The following SGF29 variants were observed in gnomAD, a reference collection of about 807,000 sequenced individuals.
SGF29 encodes the protein SAGA-associated factor 29.
SGF29 carries 15 observed loss-of-function variants against 38.1 expected under a neutral mutation model. That is an observed-to-expected ratio of 0.39 (90% CI 0.26 to 0.61). The LOEUF (loss-of-function observed/expected upper bound fraction) is 0.61. Among genes scored for constraint, SGF29 ranks in the 20% least tolerant of loss-of-function variants. The pLI is 0.49. For synonymous variants in SGF29, 151 were observed against 160.8 expected, an observed-to-expected ratio of 0.94 and a Z score of 0.46; for missense variants, 184 against 394.6, an observed-to-expected ratio of 0.47 and a Z score of 4.52.
At chr16:28,580,732 G>T (rs2046920167) in intron 1 of SGF29, among the ~76,000 whole-genome samples, 1 of 152,098 alleles carries the variant, frequency 6.6e-6, no homozygotes, top group African/African-American at 2.4e-5. Context: ...ATGTAGGCTG[G>T]AGTGCAATGG....
chr16:28,585,020 T>C (rs373672941), intron 3 of SGF29, 32 bp downstream of exon 3: 17 of 1,559,628 alleles, frequency 1.1e-5, no homozygotes, highest in Non-Finnish European at 1.5e-5. Context: ...AGAAAGGGGA[T>C]GAGATGGGGC....
intron 1 of SGF29, among the ~76,000 whole-genome samples, chr16:28,576,167 A>C (rs2046891999): frequency 6.6e-6 from 1 of 152,192 alleles, no homozygotes; most frequent in Admixed American, 6.6e-5. Context: ...ATACGTTAAA[A>C]AAAACACATT....
chr16:28,576,162 T>C (rs1454555145), intron 1 of SGF29, among the ~76,000 whole-genome samples: 4 of 150,818 alleles, frequency 2.7e-5, no homozygotes, highest in African/African-American at 9.9e-5. Flanking sequence ...TGTAAATACG[T>C]TAAAAAAAAC....
intron 1 of SGF29, among the ~76,000 whole-genome samples, chr16:28,564,994 C>T (rs1215268108): frequency 6.6e-6 from 1 of 151,604 alleles, no homozygotes; most frequent in African/African-American, 2.4e-5. Flanking sequence ...GGCCTAAGGC[C>T]TGAGAGCCCC....
chr16:28,564,763 GTATATATATGTATA>G (rs2046825059), intron 1 of SGF29, among the ~76,000 whole-genome samples: 1 of 35,660 alleles, frequency 2.8e-5, no homozygotes, highest in African/African-American at 1.3e-4. Flanking sequence ...ATGTATATAT[GTATATATATGTATA>G]TATATATATA....
At chr16:28,564,553 A>ATATATATACACG (rs1555474743) in intron 1 of SGF29, among the ~76,000 whole-genome samples, 1 of 108,732 alleles carries the variant, frequency 9.2e-6, no homozygotes. Context: ...ATATATACGT[A>ATATATATACACG]TATATATATA....
intron 1 of SGF29, among the ~76,000 whole-genome samples, chr16:28,574,903 A>G (rs2046884480): frequency 6.6e-6 from 1 of 152,230 alleles, no homozygotes; most frequent in African/African-American, 2.4e-5. Context: ...TAACTAATGC[A>G]ACTAGGGAGA....
chr16:28,577,615 C>T (rs1229991836), intron 1 of SGF29, among the ~76,000 whole-genome samples: 1 of 152,178 alleles, frequency 6.6e-6, no homozygotes, highest in African/African-American at 2.4e-5. Flanking sequence ...ACACTTTATG[C>T]ATTCGTGTAG....
rs370319729 is a variant in SGF29 at position 28,560,565 on chromosome 16, G to T, written c.-16+6468G>T. Among the ~76,000 whole-genome samples the T allele has an allele frequency of 8.4e-3, 1,253 of 148,500 alleles. 6 individuals are homozygous for T. Among genetic ancestry groups the T allele is most frequent in the Non-Finnish European group, 0.011 (775 of 67,396 alleles). ...GGTTACACCATTGCACTCCAGCCTG[G>T]GCAACAGAGCGAGACTCTGTCTCAA... On this transcript the variant is annotated intron_variant, in intron 1 of 9. Transcript: ENST00000317058.
At chr16:28,580,987 T>A (rs1418308810) in intron 1 of SGF29, 68 bp from the exon 2 acceptor site, 2 of 1,187,832 alleles carry the variant, frequency 1.7e-6, no homozygotes, top group Non-Finnish European at 2.5e-6. Context: ...ATGTATCTTT[T>A]GAGGGGGCAC....
Position 28,590,003 on chromosome 16 carries a change from C to T in SGF29, c.290-93C>T. ...CGGGCTCACTCGGGAACTGGGGGCT[C>T]CCAGGTGCTCCTTCAACAGCTCAGT... On this transcript the variant is annotated intron_variant, in intron 5 of 9. Coordinates refer to ENST00000317058, the MANE Select transcript of SGF29 (RefSeq NM_138414.3). This position sits in a 1 kb window ranked among gnomAD's most constrained non-coding sequence, Gnocchi z 8.2. 2.0e-6 allele frequency: 3 copies of T among 1,482,844 alleles called. No individual in the cohort carries two copies. The highest frequency in any genetic ancestry group is 2.2e-4 in the Middle Eastern group (1 of 4,476). The allele number at this position is 1,482,844 out of a possible 1,614,324, so 91.9% of individuals were successfully genotyped here.
rs533948701 is a variant in SGF29 at position 28,585,692 on chromosome 16, G to T, written c.196G>T (p.Ala66Ser). The change falls in exon 4 of 10, where the codon GCC becomes TCC. Residue 66 changes from alanine to serine, a missense_variant. Transcript: ENST00000317058. ...AAAGCTGCGTGGCCTCTACACAACC[G>T]CCAAGGCCGATGCAGAGGCTGAGTG... Reference protein sequence around the residue: ...RTKLRGLYTTAKADAEAECNI... With the variant: ...RTKLRGLYTTSKADAEAECNI... 6.2e-7 allele frequency: 1 copy of T among 1,614,126 alleles called. No homozygotes were observed. The highest frequency in any genetic ancestry group is 8.5e-7 in the Non-Finnish European group (1 of 1,179,992).
At chr16:28,566,055 C>CCT (rs2046834304) in intron 1 of SGF29, among the ~76,000 whole-genome samples, 1 of 151,208 alleles carries the variant, frequency 6.6e-6, no homozygotes, top group African/African-American at 2.4e-5. Context: ...GGGCAGATCA[C>CCT]GAGGTTAGGA....
intron 1 of SGF29, 83 bp from the exon 2 acceptor site, chr16:28,580,972 G>A (rs2046921487): frequency 1.4e-5 from 14 of 1,024,668 alleles, no homozygotes. Flanking sequence ...GAGCCTCCAG[G>A]CCTAATGTAT....
intron 1 of SGF29, among the ~76,000 whole-genome samples, chr16:28,577,429 T>C (rs902692843): frequency 3.3e-5 from 5 of 152,114 alleles, no homozygotes; most frequent in African/African-American, 1.2e-4. Flanking sequence ...CCCAGCTTTC[T>C]ATGGATTCGG....
At chr16:28,580,095 G>T (rs796654041) in intron 1 of SGF29, among the ~76,000 whole-genome samples, 24 of 152,268 alleles carry the variant, frequency 1.6e-4, no homozygotes, top group African/African-American at 5.5e-4. Context: ...TGAATCATTT[G>T]TCAGGATATT....
At chr16:28,585,808 C>A in intron 4 of SGF29, 88 bp downstream of exon 4, 1 of 1,268,500 alleles carries the variant, frequency 7.9e-7, no homozygotes, top group Non-Finnish European at 1.2e-6. Flanking sequence ...CCCAGCCTGC[C>A]TTCCTCCCAT....
chr16:28,564,687 G>GTA (rs376845529), intron 1 of SGF29, among the ~76,000 whole-genome samples: 3 of 47,090 alleles, frequency 6.4e-5, no homozygotes, highest in African/African-American at 1.9e-4. Context: ...ATATATATGT[G>GTA]TATATATATG....
chr16:28,557,457 G>A (rs1163525113), intron 1 of SGF29, among the ~76,000 whole-genome samples: 1 of 152,210 alleles, frequency 6.6e-6, no homozygotes, highest in African/African-American at 2.4e-5. Context: ...TCCTTCATCT[G>A]TATCCATTGT....
Sources: gnomAD v4.1 joint callset for allele counts (sites outside exome capture counted in the v4.1 genomes callset) on GRCh38, gnomAD v4.1.1 for gene constraint, Gnocchi (gnomAD v3.1) non-coding constraint, MANE v1.5 for transcripts, NCBI Gene and HGNC (gene_info 2026-07-23, HGNC 2026-07-21) for gene names.